SELENOP: variants seen among roughly 807,000 people sequenced by gnomAD.
The protein encoded by SELENOP is selenoprotein P, also known as selenoprotein P, plasma, 1.
A neutral mutation model predicts 41.0 loss-of-function variants in SELENOP; 36 were observed. The ratio of observed to expected loss-of-function variants is 0.88; its 90% CI spans 0.67 to 1.16. The LOEUF (loss-of-function observed/expected upper bound fraction) is 1.16. Among genes scored for constraint, SELENOP ranks in the 50% most tolerant of loss-of-function variants. SELENOP has a pLI of 0.00. For synonymous variants in SELENOP, 144 were observed against 150.8 expected (o/e 0.95, Z 0.33); for missense variants, 440 against 454.2 (o/e 0.97, Z 0.28).
chr5:42,810,572 A>G (rs1579739690), intron 1 of SELENOP: 1 of 153,778 alleles, frequency 6.5e-6, no homozygotes, highest in Non-Finnish European at 1.5e-5. Flanking sequence ...CAATTCTCCT[A>G]CCTCACCCTC....
intron 1 of SELENOP, chr5:42,810,898 T>A (rs890844896): frequency 3.3e-6 from 1 of 306,702 alleles, no homozygotes; most frequent in African/African-American, 2.3e-5. Context: ...TCGGATTTCT[T>A]CTGTCATTAT....
At chr5:42,805,336 C>G (rs1760309144) in intron 3 of SELENOP, 1 of 151,962 alleles carries the variant, frequency 6.6e-6, no homozygotes. Flanking sequence ...TACATTTTAC[C>G]TAGTATATAT....
chr5:42,809,975 T>C (rs1760425147), intron 1 of SELENOP, among the ~76,000 whole-genome samples: 1 of 152,210 alleles, frequency 6.6e-6, no homozygotes, highest in African/African-American at 2.4e-5. Context: ...CAATTATCCT[T>C]ATTATAGCTA....
chr5:42,806,296 T>C (rs1029304091), intron 3 of SELENOP: 2 of 152,360 alleles, frequency 1.3e-5, no homozygotes, highest in East Asian at 1.9e-4. Flanking sequence ...CTGCCTCCAA[T>C]AGGTTGTATA....
intron 1 of SELENOP, 131 bp from the exon 2 acceptor site, chr5:42,808,497 G>C (rs1760387769): frequency 2.6e-6 from 1 of 381,590 alleles, no homozygotes; most frequent in East Asian, 3.9e-5. Context: ...TCTCCAGAAA[G>C]TTATGTTCAG....
Position 42,800,982 on chromosome 5 carries a change from A to G in SELENOP, c.884T>C (p.Leu295Ser), listed in dbSNP as rs202040224. 2.8e-4 allele frequency: 458 copies of G among 1,614,242 alleles called. No homozygotes were observed. Among genetic ancestry groups the G allele is most frequent in the Middle Eastern group, 2.1e-3 (13 of 6,062 alleles). The change falls in exon 5 of 5, where the codon TTG becomes TCG. Residue 295 changes from leucine to serine, a missense_variant. Transcript: ENST00000514985. ...ATGGCAGCATCAGCTCCTAGGAGCC[A>G]ACTCTGAATCTGTGGGCAATTTACA... ...LLCKLPTDSELAPRSUCCHCR... is the reference protein window; with the variant it reads ...LLCKLPTDSESAPRSUCCHCR...
intron 1 of SELENOP, 103 bp from the exon 2 acceptor site, chr5:42,808,469 C>T: frequency 4.8e-6 from 2 of 415,228 alleles, no homozygotes; most frequent in Non-Finnish European, 8.2e-6. Flanking sequence ...CCTAAAAATA[C>T]CTAGCCCATG....
chr5:42,801,591 C>T, intron 4 of SELENOP: 1 of 452,966 alleles, frequency 2.2e-6, no homozygotes, highest in Non-Finnish European at 3.8e-6. Flanking sequence ...ACTTGGATTG[C>T]AGGAAAGTCA....
Position 42,800,805 on chromosome 5 carries a change from A to G in SELENOP, c.1061T>C (p.Ile354Thr), listed in dbSNP as rs944343668. 3 of 1,614,036 alleles carry G rather than the reference A, an allele frequency of 1.9e-6. No individual in the cohort carries two copies. The African/African-American group carries it at 4.0e-5, about 22-fold the overall frequency. Residue 354 changes from isoleucine (I) to threonine (T), a missense_variant, in exon 5 of 5, where the codon ATA (isoleucine) becomes ACA (threonine). Coordinates refer to ENST00000514985, the MANE Select transcript of SELENOP (RefSeq NM_005410.4). ...TTCTGTGGGTATAAGCTGCTGACTT[A>G]TTTGTCAGGCAGCTGGAGGCAAACG... Reference protein sequence around the residue: ...QURLPPAAUQISQQLIPTEAS... With the variant: ...QURLPPAAUQTSQQLIPTEAS...
chr5:42,808,519 T>C (rs1414822366), intron 1 of SELENOP, 153 bp from the exon 2 acceptor site: 5 of 349,106 alleles, frequency 1.4e-5, no homozygotes, highest in African/African-American at 4.2e-5. Context: ...CTGTGGCTTA[T>C]AAAAATAAGT....
intron 4 of SELENOP, among the ~76,000 whole-genome samples, chr5:42,803,764 C>G (rs897167266): frequency 6.6e-6 from 1 of 152,122 alleles, no homozygotes; most frequent in Non-Finnish European, 1.5e-5. Flanking sequence ...AAATATAGTT[C>G]TTCTCATAAC....
chr5:42,811,499 C>T (rs1760457187), intron 1 of SELENOP, among the ~76,000 whole-genome samples: 2 of 152,152 alleles, frequency 1.3e-5, no homozygotes, highest in South Asian at 4.1e-4. Flanking sequence ...CTCTGCCCTT[C>T]AGTGGAAAAT....
At chr5:42,805,214 A>C (rs1280362596) in intron 3 of SELENOP, 1 of 152,594 alleles carries the variant, frequency 6.6e-6, no homozygotes, top group East Asian at 1.9e-4. Flanking sequence ...AGCCTTGGCC[A>C]GTAGCCCATT....
intron 1 of SELENOP, chr5:42,810,829 AGGTTTATGAT>A: frequency 1.0e-6 from 1 of 985,238 alleles, no homozygotes; most frequent in Admixed American, 5.4e-5. Flanking sequence ...TCCCTCATTT[AGGTTTATGAT>A]GAAAAAATAA....
chr5:42,807,095 G>T lies in SELENOP; in HGVS notation c.217C>A (p.Arg73=). ...ILQASKLEDL[R]VKLKKEGYSN... ...TATCCTTCTTTCTTCAGTTTTACTC[G>T]CAGGTCTTCTAATCTAAAATATTTG... The change falls in exon 3 of 5, where the codon CGA becomes AGA. Residue 73 remains arginine, a synonymous_variant. Coordinates refer to ENST00000514985, the MANE Select transcript of SELENOP (RefSeq NM_005410.4). 4.1e-6 allele frequency: 6 copies of T among 1,471,182 alleles called. No individual in the cohort carries two copies. Among genetic ancestry groups the T allele is most frequent in the East Asian group, 4.6e-5 (2 of 43,792 alleles). The allele number at this position is 1,471,182 out of a possible 1,614,324, so 91.1% of individuals were successfully genotyped here. A position where few individuals can be genotyped will look rare whatever the true frequency, so the allele number is the denominator to read the frequency against.
intron 1 of SELENOP, among the ~76,000 whole-genome samples, chr5:42,811,331 T>G (rs1291560984): frequency 6.6e-6 from 1 of 152,210 alleles, no homozygotes; most frequent in Non-Finnish European, 1.5e-5. Context: ...GGTGACCACT[T>G]CTGCACTGTG....
chr5:42,799,968 T>C lies in SELENOP; in HGVS notation c.*752A>G. 6.3e-6 allele frequency: 4 copies of C among 631,248 alleles called. No individual in the cohort carries two copies. The highest frequency in any genetic ancestry group is 1.0e-5 in the Non-Finnish European group (4 of 382,964). The allele number at this position is 631,248 out of a possible 1,614,324, so 39.1% of individuals were successfully genotyped here. ...CATTCTTGCTTAATAGTATTAACCA[T>C]AAAGGAGGTCAGGTTTATAGGGTTT... On this transcript the variant is annotated 3_prime_UTR_variant, in exon 5 of 5. Transcript: ENST00000514985.
intron 4 of SELENOP, among the ~76,000 whole-genome samples, chr5:42,803,813 C>A (rs1238957105): frequency 6.6e-6 from 1 of 152,002 alleles, no homozygotes; most frequent in East Asian, 1.9e-4. Flanking sequence ...GAAATAAATA[C>A]CAGTAATGAG....
chr5:42,802,233 G>A (rs1271885977), intron 4 of SELENOP: 5 of 152,084 alleles, frequency 3.3e-5, no homozygotes, highest in Admixed American at 3.3e-4. Context: ...TAATTTACTG[G>A]AAGTCTTTAC....
Sources: allele counts gnomAD v4.1 joint callset (sites outside exome capture counted in the v4.1 genomes callset), GRCh38; gene constraint gnomAD v4.1.1; transcripts MANE v1.5; gene names NCBI Gene and HGNC (gene_info 2026-07-23, HGNC 2026-07-21).